NEGR1: variants seen among roughly 807,000 people sequenced by gnomAD.
NEGR1 encodes neuronal growth regulator 1.
A neutral mutation model predicts 40.9 loss-of-function variants in NEGR1; 10 were observed. That is an observed-to-expected ratio of 0.24 (90% CI 0.15 to 0.42). NEGR1 has a LOEUF of 0.42. NEGR1 is among the 10% of genes least tolerant of loss of function. NEGR1 has a pLI of 1.00. For synonymous variants in NEGR1, 185 were observed against 166.8 expected, an observed-to-expected ratio of 1.11 and a Z score of -0.84; for missense variants, 352 against 438.9, an observed-to-expected ratio of 0.80 and a Z score of 1.77.
chr1:71,460,565 T>C (rs1646707885), intron 6 of NEGR1, among the ~76,000 whole-genome samples: 1 of 152,218 alleles, frequency 6.6e-6, no homozygotes, highest in South Asian at 2.1e-4. Flanking sequence ...AAGATTGTTT[T>C]GAATATTATA....
intron 2 of NEGR1, among the ~76,000 whole-genome samples, chr1:71,888,110 T>C (rs1191055785): frequency 6.6e-6 from 1 of 151,990 alleles, no homozygotes; most frequent in East Asian, 1.9e-4. Flanking sequence ...AACTTGCCAC[T>C]CTCCCATAGT....
At chr1:71,819,835 T>C (rs909771487) in intron 2 of NEGR1, among the ~76,000 whole-genome samples, 9 of 151,958 alleles carry the variant, frequency 5.9e-5, no homozygotes, top group Admixed American at 4.6e-4. Flanking sequence ...GAATATTCAA[T>C]GTACAGTTGA....
intron 1 of NEGR1, among the ~76,000 whole-genome samples, chr1:72,023,670 T>TAATTACTGAACACAAGAACAAC (rs202239739): frequency 2.0e-5 from 3 of 148,166 alleles, no homozygotes; most frequent in African/African-American, 5.0e-5. Context: ...ACTTAACAAA[T>TAATTACTGAACACAAGAACAAC]AACACAAGAA....
intron 1 of NEGR1, among the ~76,000 whole-genome samples, chr1:72,064,769 A>G (rs1394516548): frequency 4.6e-5 from 7 of 152,040 alleles, no homozygotes; most frequent in Non-Finnish European, 8.8e-5. Context: ...TTCTTTCAGC[A>G]TGGCAAAGTG....
intron 3 of NEGR1, among the ~76,000 whole-genome samples, chr1:71,772,680 A>G (rs1226112159): frequency 2.0e-5 from 3 of 152,202 alleles, no homozygotes; most frequent in South Asian, 2.1e-4. Context: ...TTATGTAAAG[A>G]AAATGTCTAT....
chr1:71,632,266 TTATATATG>T (rs1219130051), intron 4 of NEGR1, among the ~76,000 whole-genome samples: 2 of 151,370 alleles, frequency 1.3e-5, no homozygotes, highest in African/African-American at 4.8e-5. Flanking sequence ...TATTATACAT[TTATATATG>T]TATATATGTA....
chr1:71,611,061 C>T lies in NEGR1; in HGVS notation c.753G>A (p.Pro251=), dbSNP rs369017807. ...CTTTGTACCATTCAAAGGCTGGAGGCGGCACACCTGCACCTTCACATCTTA... is the reference window on the plus strand; with the variant it reads ...CTTTGTACCATTCAAAGGCTGGAGGTGGCACACCTGCACCTTCACATCTTA... ...GLIRCEGAGV[P]PPAFEWYKGE... The change falls in exon 5 of 7, where the codon CCG becomes CCA. Residue 251 remains proline, a synonymous_variant. Transcript: ENST00000357731. The T allele has an allele frequency of 3.7e-4, 596 of 1,613,700 alleles. 1 individual carries two copies. The highest frequency in any genetic ancestry group is 4.7e-4 in the Non-Finnish European group (557 of 1,179,786).
chr1:72,226,425 T>C lies in NEGR1; in HGVS notation c.176+55894A>G, dbSNP rs540371574. Among the ~76,000 whole-genome samples, 31 of 152,146 alleles carry C rather than the reference T, an allele frequency of 2.0e-4. 1 individual carries two copies. The highest frequency in any genetic ancestry group is 1.9e-3 in the Admixed American group (29 of 15,244). On this transcript the variant is annotated intron_variant, in intron 1 of 6. Transcript: ENST00000357731. Reference sequence around the variant, plus strand: ...TACCTTATAGAGGACATATACCTACTTTCTGAATCATCAGTGTCACAGGGT... The same window carrying C: ...TACCTTATAGAGGACATATACCTACCTTCTGAATCATCAGTGTCACAGGGT...
At chr1:71,701,117 T>C (rs1296363547) in intron 3 of NEGR1, among the ~76,000 whole-genome samples, 1 of 152,038 alleles carries the variant, frequency 6.6e-6, no homozygotes, top group East Asian at 1.9e-4. Context: ...GCTTCTGACA[T>C]ACAGAATTGA....
intron 1 of NEGR1, among the ~76,000 whole-genome samples, chr1:72,119,311 C>A (rs1158887501): frequency 6.6e-6 from 1 of 151,896 alleles, no homozygotes; most frequent in Admixed American, 6.6e-5. Context: ...GAATAGCAAA[C>A]TGAGGAATTA....
At chr1:71,580,640 G>A (rs999431029) in intron 6 of NEGR1, among the ~76,000 whole-genome samples, 2 of 151,936 alleles carry the variant, frequency 1.3e-5, no homozygotes, top group Non-Finnish European at 2.9e-5. Flanking sequence ...TAGAAATAAT[G>A]GGGGGAGGGC....
chr1:72,163,401 C>A (rs575173271), intron 1 of NEGR1, among the ~76,000 whole-genome samples: 7 of 151,852 alleles, frequency 4.6e-5, no homozygotes, highest in Non-Finnish European at 8.8e-5. Flanking sequence ...TTTGCTTTTT[C>A]TTTTACTTGC....
intron 2 of NEGR1, among the ~76,000 whole-genome samples, chr1:71,931,121 G>T (rs931179670): frequency 4.6e-5 from 7 of 152,124 alleles, no homozygotes; most frequent in Non-Finnish European, 1.0e-4. Context: ...AATACTCTAG[G>T]TGAGTTATGT....
chr1:72,012,959 C>A (rs1312501729), intron 1 of NEGR1, among the ~76,000 whole-genome samples: 2 of 147,516 alleles, frequency 1.4e-5, no homozygotes, highest in Admixed American at 6.8e-5. Flanking sequence ...TGCTGAAAAA[C>A]CAACTGGAAA....
chr1:71,875,427 T>A (rs1660397771), intron 2 of NEGR1, among the ~76,000 whole-genome samples: 1 of 152,212 alleles, frequency 6.6e-6, no homozygotes, highest in Non-Finnish European at 1.5e-5. Flanking sequence ...TATCTGGTCA[T>A]TCTGAGTCTT....
At chr1:72,202,958 A>G (rs1190202146) in intron 1 of NEGR1, among the ~76,000 whole-genome samples, 1 of 151,796 alleles carries the variant, frequency 6.6e-6, no homozygotes, top group African/African-American at 2.4e-5. Flanking sequence ...CACAGTTGAG[A>G]CTACTTCTCA....
intron 1 of NEGR1, among the ~76,000 whole-genome samples, chr1:72,133,289 G>A (rs1361303089): frequency 1.3e-5 from 2 of 152,006 alleles, no homozygotes; most frequent in African/African-American, 4.8e-5. Context: ...ATGCATTGGT[G>A]AATTGCTAAA....
At chr1:72,066,060 T>C (rs1326960705) in intron 1 of NEGR1, among the ~76,000 whole-genome samples, 1 of 152,100 alleles carries the variant, frequency 6.6e-6, no homozygotes, top group African/African-American at 2.4e-5. Flanking sequence ...TCAGAATATA[T>C]AGAAATATAG....
intron 4 of NEGR1, among the ~76,000 whole-genome samples, chr1:71,638,933 T>C (rs1336911976): frequency 6.6e-6 from 1 of 151,770 alleles, no homozygotes; most frequent in Non-Finnish European, 1.5e-5. Flanking sequence ...TTATTTGTAG[T>C]TTTTAACAGC....
Sources: allele counts gnomAD v4.1 joint callset (sites outside exome capture counted in the v4.1 genomes callset), GRCh38; gene constraint gnomAD v4.1.1; transcripts MANE v1.5; gene names NCBI Gene and HGNC (gene_info 2026-07-23, HGNC 2026-07-21).